PFKFB3: variants seen among roughly 807,000 people sequenced by gnomAD.
PFKFB3 encodes the protein 6-phosphofructo-2-kinase/fructose-2,6-bisphosphatase 3.
In PFKFB3, 33 loss-of-function variants were observed where a neutral mutation model predicts 68.0. That is an observed-to-expected ratio of 0.49 (90% confidence interval 0.37 to 0.65). The LOEUF is 0.65. Ranked by LOEUF, PFKFB3 falls within the 30% of genes least tolerant of loss-of-function variation. The probability of loss-of-function intolerance (pLI) is 0.00; values close to 1 mark genes in which losing one functional copy is unlikely to be tolerated. For missense variants in PFKFB3, 586 were observed against 712.2 expected, an observed-to-expected ratio of 0.82 and a Z score of 2.02; for synonymous variants, 315 against 288.2, an observed-to-expected ratio of 1.09 and a Z score of -0.94.
chr10:6,219,780 G>A (rs1056220537), intron 7 of PFKFB3, 87 bp downstream of exon 7: 1 of 1,471,452 alleles, frequency 6.8e-7, no homozygotes. Context: ...TTTGCTCCTG[G>A]ATACCTTTAA....
the PFKFB3 span, chr10:6,293,800 G>T: frequency 2.5e-6 from 1 of 397,980 alleles, no homozygotes. Flanking sequence ...GCTCCAGCCT[G>T]CACAGTTTTC....
chr10:6,160,760 A>T (rs1196152091), intron 1 of PFKFB3, among the ~76,000 whole-genome samples: 1 of 150,274 alleles, frequency 6.7e-6, no homozygotes, highest in Non-Finnish European at 1.5e-5. Context: ...CAAATATGGT[A>T]AATATGGTAA....
the PFKFB3 span, among the ~76,000 whole-genome samples, chr10:6,300,448 G>C: frequency 1.6e-4 from 25 of 152,190 alleles, no homozygotes; most frequent in Admixed American, 1.4e-3. Context: ...CATCAGGGAA[G>C]GCTCCCCCAT....
chr10:6,230,524 G>A (rs1053559444), intron 14 of PFKFB3, among the ~76,000 whole-genome samples: 3 of 152,248 alleles, frequency 2.0e-5, no homozygotes, highest in East Asian at 1.9e-4. Context: ...TAGGAAGTGC[G>A]TGGGGGATGA....
At chr10:6,193,701 G>A (rs1200174499) in intron 1 of PFKFB3, among the ~76,000 whole-genome samples, 2 of 152,204 alleles carry the variant, frequency 1.3e-5, no homozygotes, top group Non-Finnish European at 2.9e-5. Flanking sequence ...GTTCTTATAG[G>A]TTTTGGGATA....
chr10:6,151,407 G>T (rs1049434087), intron 1 of PFKFB3, among the ~76,000 whole-genome samples: 1 of 152,196 alleles, frequency 6.6e-6, no homozygotes, highest in Non-Finnish European at 1.5e-5. Flanking sequence ...TCACTTGTCA[G>T]AAAGTGAGGT....
intron 1 of PFKFB3, chr10:6,152,412 C>T (rs10795846): frequency 0.24 from 36,938 of 152,330 alleles, 4,692 homozygotes; most frequent in Non-Finnish European, 0.28. Context: ...CATGGAGGCT[C>T]CCCAAGCCAG....
At chr10:6,211,449 AG>A (rs1844227168) in intron 1 of PFKFB3, among the ~76,000 whole-genome samples, 6 of 152,156 alleles carry the variant, frequency 3.9e-5, no homozygotes, top group Admixed American at 3.9e-4. Context: ...TAAGACCAGG[AG>A]GGACCCTTGG....
At chr10:6,176,733 G>A (rs1350831800) in intron 1 of PFKFB3, among the ~76,000 whole-genome samples, 2 of 152,192 alleles carry the variant, frequency 1.3e-5, no homozygotes, top group African/African-American at 2.4e-5. Context: ...TGACTTGGGT[G>A]CCAGGAGACA....
At chr10:6,274,947 A>C in the PFKFB3 span, among the ~76,000 whole-genome samples, 1 of 152,114 alleles carries the variant, frequency 6.6e-6, no homozygotes, top group Non-Finnish European at 1.5e-5. Context: ...GCCTATCTTC[A>C]TAATGAAAAT....
At chr10:6,248,116 C>A (rs1380279537) in intron 14 of PFKFB3, among the ~76,000 whole-genome samples, 1 of 152,164 alleles carries the variant, frequency 6.6e-6, no homozygotes, top group Non-Finnish European at 1.5e-5. Flanking sequence ...AGGTAAGAGA[C>A]CCAGTGGAGC....
intron 1 of PFKFB3, among the ~76,000 whole-genome samples, chr10:6,195,784 C>G (rs913925294): frequency 2.6e-5 from 4 of 152,216 alleles, no homozygotes; most frequent in African/African-American, 9.6e-5. Context: ...GGCTACTGTC[C>G]TGGCTGCTCT....
intron 1 of PFKFB3, among the ~76,000 whole-genome samples, chr10:6,177,868 T>C (rs929523200): frequency 6.6e-5 from 10 of 152,050 alleles, no homozygotes; most frequent in African/African-American, 2.2e-4. Context: ...TGGGAAATGG[T>C]GTACACCACT....
At position 6,221,360 on chromosome 10, in the gene PFKFB3, TC is replaced by T. The variant is rs1564634341; in HGVS notation, c.832-16del. The T allele has an allele frequency of 6.8e-6, 11 of 1,612,822 alleles. No homozygotes were observed. Among genetic ancestry groups the T allele is most frequent in the Non-Finnish European group, 8.5e-6 (10 of 1,179,574 alleles). On this transcript the variant is annotated intron_variant, in intron 8 of 14. Coordinates refer to ENST00000379775, the MANE Select transcript of PFKFB3 (RefSeq NM_004566.4). The stretch of plus-strand genomic sequence containing the variant: ...AGCTGCGGGCATCTGGAATCAGTGG[TC>T]CCCCTCCACCACCTCTCAGTTTGCC...
At chr10:6,280,786 C>CT in the PFKFB3 span, among the ~76,000 whole-genome samples, 4,033 of 146,488 alleles carry the variant, frequency 0.028, 194 homozygotes, top group African/African-American at 0.095. Flanking sequence ...GAGGCACATG[C>CT]TTTTTTTTTT....
At chr10:6,181,686 TACTC>T (rs1005011638) in intron 1 of PFKFB3, among the ~76,000 whole-genome samples, 20 of 151,448 alleles carry the variant, frequency 1.3e-4, no homozygotes, top group Non-Finnish European at 2.2e-4. Flanking sequence ...TGGGCCTAGT[TACTC>T]AGGAGGCTAG....
At chr10:6,164,859 C>T (rs1842080356) in intron 1 of PFKFB3, among the ~76,000 whole-genome samples, 1 of 152,152 alleles carries the variant, frequency 6.6e-6, no homozygotes, top group African/African-American at 2.4e-5. Flanking sequence ...AGTATTGCTG[C>T]CAGCATATCG....
intron 14 of PFKFB3, among the ~76,000 whole-genome samples, chr10:6,243,530 C>T (rs544867137): frequency 1.3e-5 from 2 of 152,164 alleles, no homozygotes; most frequent in Non-Finnish European, 2.9e-5. Context: ...CACCCTAGTC[C>T]CATCAGTGGA....
At chr10:6,296,077 T>C in the PFKFB3 span, among the ~76,000 whole-genome samples, 1 of 152,226 alleles carries the variant, frequency 6.6e-6, no homozygotes, top group African/African-American at 2.4e-5. Flanking sequence ...GGGACAGAGA[T>C]TGGCTCTGTG....
Sources: allele counts gnomAD v4.1 joint callset (sites outside exome capture counted in the v4.1 genomes callset), GRCh38; gene constraint gnomAD v4.1.1; transcripts MANE v1.5; gene names NCBI Gene and HGNC (gene_info 2026-07-23, HGNC 2026-07-21).